The following LAMC1 variants were observed in gnomAD, a reference collection of about 807,000 sequenced individuals.
LAMC1 encodes laminin subunit gamma-1.
In LAMC1, 38 loss-of-function variants were observed where a neutral mutation model predicts 173.6. That is an observed-to-expected ratio of 0.22 (90% confidence interval 0.17 to 0.29). LAMC1 has a LOEUF of 0.29. Ranked by LOEUF, LAMC1 falls within the 10% of genes least tolerant of loss-of-function variation. The probability of loss-of-function intolerance (pLI) is 1.00; values close to 1 mark genes in which losing one functional copy is unlikely to be tolerated. For synonymous variants in LAMC1, 746 were observed against 749.1 expected, an observed-to-expected ratio of 1.00 and a Z score of 0.07; for missense variants, 1,824 against 2,051.8, an observed-to-expected ratio of 0.89 and a Z score of 2.14.
chr1:183,053,389 A>G (rs1335465368), intron 1 of LAMC1, among the ~76,000 whole-genome samples: 2 of 150,038 alleles, frequency 1.3e-5, no homozygotes, highest in African/African-American at 4.9e-5. Context: ...CTTTTTTAAA[A>G]ATGCTCATCT....
intron 1 of LAMC1, among the ~76,000 whole-genome samples, chr1:183,073,197 G>A (rs1026356720): frequency 6.6e-6 from 1 of 152,090 alleles, no homozygotes; most frequent in Admixed American, 6.6e-5. Context: ...TATGTTGCTG[G>A]AGAGGATTTA....
intron 1 of LAMC1, among the ~76,000 whole-genome samples, chr1:183,084,947 A>C (rs973734368): frequency 9.8e-5 from 15 of 152,326 alleles, no homozygotes; most frequent in African/African-American, 2.6e-4. Flanking sequence ...GAAGAAATGT[A>C]AATTTGGCCG....
At chr1:183,084,235 C>A (rs1261392039) in intron 1 of LAMC1, among the ~76,000 whole-genome samples, 1 of 151,990 alleles carries the variant, frequency 6.6e-6, no homozygotes, top group South Asian at 2.1e-4. Flanking sequence ...CCCAGCTACT[C>A]AGGAGGCTGA....
chr1:183,084,676 A>G (rs1279241629), intron 1 of LAMC1, among the ~76,000 whole-genome samples: 5 of 152,206 alleles, frequency 3.3e-5, no homozygotes, highest in Non-Finnish European at 7.3e-5. Flanking sequence ...TATATTAGGC[A>G]TATATTGTAT....
intron 2 of LAMC1, among the ~76,000 whole-genome samples, chr1:183,107,657 T>C (rs1385331612): frequency 9.9e-5 from 15 of 151,968 alleles, no homozygotes; most frequent in East Asian, 1.9e-4. Flanking sequence ...GGTGAAACCC[T>C]GTCTCTACTA....
chr1:183,136,835 T>C (rs556797377), intron 25 of LAMC1, among the ~76,000 whole-genome samples: 1 of 152,334 alleles, frequency 6.6e-6, no homozygotes, highest in African/African-American at 2.4e-5. Context: ...GAGGTCTGGC[T>C]TCAGAGGTCT....
At chr1:183,073,771 G>C (rs1249446920) in intron 1 of LAMC1, among the ~76,000 whole-genome samples, 1 of 152,070 alleles carries the variant, frequency 6.6e-6, no homozygotes, top group Admixed American at 6.6e-5. Flanking sequence ...AAAAAATAGG[G>C]CTATAAATGA....
At chr1:183,072,408 C>T (rs754626646) in intron 1 of LAMC1, among the ~76,000 whole-genome samples, 6 of 152,180 alleles carry the variant, frequency 3.9e-5, no homozygotes, top group Non-Finnish European at 8.8e-5. Context: ...TCATAGAGAG[C>T]CCTCTTTCCT....
chr1:183,026,426 A>T (rs191812237), intron 1 of LAMC1, among the ~76,000 whole-genome samples: 4 of 152,128 alleles, frequency 2.6e-5, no homozygotes, highest in Admixed American at 1.3e-4. Flanking sequence ...TTTAATGACA[A>T]GGTTATATGT....
At chr1:183,060,944 T>C (rs1654731131) in intron 1 of LAMC1, among the ~76,000 whole-genome samples, 1 of 152,230 alleles carries the variant, frequency 6.6e-6, no homozygotes, top group Non-Finnish European at 1.5e-5. Flanking sequence ...AATATGAAGC[T>C]GACCAATTGA....
At chr1:183,103,694 T>C in intron 2 of LAMC1, 62 bp downstream of exon 2, 1 of 1,430,926 alleles carries the variant, frequency 7.0e-7, no homozygotes, top group Non-Finnish European at 9.4e-7. Context: ...TGTGGGAAGA[T>C]TATTGTAGTG....
intron 1 of LAMC1, among the ~76,000 whole-genome samples, chr1:183,080,228 A>G (rs2102049357): frequency 6.6e-6 from 1 of 152,338 alleles, no homozygotes; most frequent in South Asian, 2.1e-4. Context: ...TGGGTAACAC[A>G]GACTCTGTCT....
intron 11 of LAMC1, among the ~76,000 whole-genome samples, chr1:183,120,017 A>C (rs958193577): frequency 2.6e-5 from 4 of 151,976 alleles, no homozygotes; most frequent in African/African-American, 9.7e-5. Flanking sequence ...TAAATCAAAA[A>C]AATTAGCTGG....
At chr1:183,082,330 T>G (rs1655299814) in intron 1 of LAMC1, among the ~76,000 whole-genome samples, 1 of 152,246 alleles carries the variant, frequency 6.6e-6, no homozygotes, top group African/African-American at 2.4e-5. Flanking sequence ...ACTGCCAAAC[T>G]GTCTTCCAAA....
chr1:183,120,192 G>A (rs10752901), intron 11 of LAMC1, among the ~76,000 whole-genome samples: 69,020 of 137,192 alleles, frequency 0.5, 18,388 homozygotes, highest in South Asian at 0.64. Flanking sequence ...AAAAAAAAAG[G>A]TGGCGGGGTG....
At chr1:183,077,951 T>A (rs1208278464) in intron 1 of LAMC1, among the ~76,000 whole-genome samples, 1 of 151,876 alleles carries the variant, frequency 6.6e-6, no homozygotes, top group East Asian at 1.9e-4. Flanking sequence ...TCTCTTAAAT[T>A]TATTCAACCC....
At chr1:183,080,777 G>GT (rs565759874) in intron 1 of LAMC1, among the ~76,000 whole-genome samples, 375 of 143,822 alleles carry the variant, frequency 2.6e-3, no homozygotes, top group Middle Eastern at 3.6e-3. Context: ...TTTTTAGTTA[G>GT]TTTTTTTTTT....
At position 183,145,478 on chromosome 1, in the gene LAMC1, A is replaced by G. The variant is rs1424504592; in HGVS notation, c.*2688A>G. The G allele has an allele frequency of 1.3e-5, 2 of 152,438 alleles. No homozygotes were observed. The highest frequency in any genetic ancestry group is 2.9e-5 in the Non-Finnish European group (2 of 68,018). 9.4% of individuals were successfully genotyped at this position (152,438 alleles called of 1,614,324 possible). On this transcript the variant is annotated 3_prime_UTR_variant, in exon 28 of 28. Transcript: ENST00000258341. ...GCCTTCACTTTAGCTGTTTGCCTTA[A>G]TCTCTACAGCCTTGCTCTCCGGGGT... is the stretch of plus-strand genomic sequence containing the variant.
rs572009005 is a variant in LAMC1, at chr1:183,132,781, T to C, written c.3704+244T>C. Among the ~76,000 whole-genome samples, 6 of 152,204 alleles carry C rather than the reference T, an allele frequency of 3.9e-5. No individual in the cohort carries two copies. In the South Asian group the frequency reaches 1.2e-3, roughly 32 times the overall value. On this transcript the variant is annotated intron_variant, in intron 21 of 27. Coordinates refer to ENST00000258341, the MANE Select transcript of LAMC1 (RefSeq NM_002293.4). Reference sequence around the variant, plus strand: ...ACAAGATGAGCCATGATACTTAAAATTGTGCACAAATAAAGAAGAAAAAAT... The same window carrying C: ...ACAAGATGAGCCATGATACTTAAAACTGTGCACAAATAAAGAAGAAAAAAT...
Sources: allele counts gnomAD v4.1 joint callset (sites outside exome capture counted in the v4.1 genomes callset), GRCh38; gene constraint gnomAD v4.1.1; transcripts MANE v1.5; gene names NCBI Gene and HGNC (gene_info 2026-07-23, HGNC 2026-07-21).